Variants in MAN1A1 observed in about 807,000 individuals in gnomAD.
MAN1A1 encodes mannosyl-oligosaccharide 1,2-alpha-mannosidase IA.
A neutral mutation model predicts 70.8 loss-of-function variants in MAN1A1; 29 were observed. The ratio of observed to expected loss-of-function variants is 0.41; its 90% CI spans 0.31 to 0.56. MAN1A1 has a LOEUF of 0.56. Ranked by LOEUF, MAN1A1 falls within the 20% of genes least tolerant of loss-of-function variation. MAN1A1 has a pLI of 0.29. For missense variants in MAN1A1, 747 were observed against 841.3 expected (o/e 0.89, Z 1.39); for synonymous variants, 349 against 330.1 (o/e 1.06, Z -0.62).
At chr6:119,199,167 G>T (rs1773650480) in intron 8 of MAN1A1, among the ~76,000 whole-genome samples, 1 of 152,128 alleles carries the variant, frequency 6.6e-6, no homozygotes, top group Non-Finnish European at 1.5e-5. Flanking sequence ...AACAGGAAAA[G>T]TATTTGTGTC....
Position 119,236,507 on chromosome 6 carries a change from C to T in MAN1A1, c.992+11753G>A, listed in dbSNP as rs971575738. On this transcript the variant is annotated intron_variant, in intron 6 of 12. Coordinates refer to ENST00000368468, the MANE Select transcript of MAN1A1 (RefSeq NM_005907.4). ...TGGATCACTTGCTGGTGTCGAACTC[C>T]TGACCTCCTGGCCAACAAGGTGAAA... Among the ~76,000 whole-genome samples the T allele has an allele frequency of 3.9e-5, 6 of 151,970 alleles. No individual in the cohort carries two copies. In the South Asian group the frequency reaches 1.0e-3, roughly 26 times the overall value.
chr6:119,290,808 GA>G, intron 4 of MAN1A1, 45 bp from the exon 5 acceptor site: 1 of 1,224,608 alleles, frequency 8.2e-7, no homozygotes, highest in South Asian at 1.3e-5. Context: ...ACACAATTCA[GA>G]AAACCATTAT....
At chr6:119,313,353 A>C (rs1582795004) in intron 2 of MAN1A1, among the ~76,000 whole-genome samples, 1 of 152,008 alleles carries the variant, frequency 6.6e-6, no homozygotes, top group African/African-American at 2.4e-5. Context: ...ACCTCCAGTC[A>C]CCTTCTAGCT....
At chr6:119,318,910 A>G (rs1772926247) in intron 2 of MAN1A1, among the ~76,000 whole-genome samples, 1 of 152,244 alleles carries the variant, frequency 6.6e-6, no homozygotes, top group Admixed American at 6.5e-5. Flanking sequence ...GAACACCCTA[A>G]TAATTTCATT....
At chr6:119,209,445 T>C (rs1349606216) in intron 6 of MAN1A1, among the ~76,000 whole-genome samples, 3 of 152,188 alleles carry the variant, frequency 2.0e-5, no homozygotes, top group Non-Finnish European at 4.4e-5. Context: ...GGTTATACAG[T>C]TATCAATTTT....
intron 5 of MAN1A1, among the ~76,000 whole-genome samples, chr6:119,286,856 C>G (rs541833238): frequency 2.8e-4 from 42 of 152,162 alleles, no homozygotes; most frequent in African/African-American, 9.4e-4. Context: ...ATTCAACTGT[C>G]AGTTTCCATG....
intron 2 of MAN1A1, among the ~76,000 whole-genome samples, chr6:119,321,533 C>G (rs1309983887): frequency 6.6e-6 from 1 of 152,084 alleles, no homozygotes; most frequent in Admixed American, 6.6e-5. Flanking sequence ...AGGTCACCTT[C>G]CCAACAACTA....
intron 2 of MAN1A1, among the ~76,000 whole-genome samples, chr6:119,323,883 A>G (rs1773084371): frequency 1.3e-5 from 2 of 152,236 alleles, no homozygotes; most frequent in South Asian, 2.1e-4. Context: ...CGGAGTGAAG[A>G]GAGCAAACAC....
intron 6 of MAN1A1, among the ~76,000 whole-genome samples, chr6:119,239,702 C>T (rs1465415094): frequency 6.6e-6 from 1 of 151,980 alleles, no homozygotes; most frequent in Admixed American, 6.6e-5. Context: ...AAGGTTTGTC[C>T]CACAATAACA....
intron 6 of MAN1A1, among the ~76,000 whole-genome samples, chr6:119,221,104 C>CT (rs1367142468): frequency 6.6e-6 from 1 of 150,690 alleles, no homozygotes; most frequent in East Asian, 1.9e-4. Context: ...AAGCCCAGTG[C>CT]TTTAGCATTA....
chr6:119,349,008 C>G lies in MAN1A1; in HGVS notation c.58G>C (p.Gly20Arg), dbSNP rs757306238. 4 of 1,384,246 alleles carry G rather than the reference C, an allele frequency of 2.9e-6. No homozygotes were observed. Among genetic ancestry groups the G allele is most frequent in the East Asian group, 5.7e-5 (2 of 34,882 alleles). The allele number at this position is 1,384,246 out of a possible 1,614,324, so 85.7% of individuals were successfully genotyped here. Residue 20 changes from glycine to arginine, a missense_variant, in exon 2 of 13, where the codon GGG becomes CGG. Coordinates refer to ENST00000368468, the MANE Select transcript of MAN1A1 (RefSeq NM_005907.4). ...FSSPAGGVLGGGLGGGGGRKG... is the reference protein window; with the variant it reads ...FSSPAGGVLGRGLGGGGGRKG... ...CTGCCACCGCCGCCGCCGAGCCCCC[C>G]GCCCAGGACGCCGCCCGCGGGGCTG...
intron 6 of MAN1A1, among the ~76,000 whole-genome samples, chr6:119,235,049 C>G (rs1774802726): frequency 6.6e-6 from 1 of 152,150 alleles, no homozygotes. Context: ...AACTTGTAAG[C>G]ATGTGTGTTC....
At chr6:119,233,562 A>G (rs1036451269) in intron 6 of MAN1A1, among the ~76,000 whole-genome samples, 6 of 152,254 alleles carry the variant, frequency 3.9e-5, no homozygotes, top group African/African-American at 1.4e-4. Context: ...TTTATTGTTT[A>G]TGGCAGCAGC....
chr6:119,318,648 C>A (rs1016561131), intron 2 of MAN1A1, among the ~76,000 whole-genome samples: 12 of 152,152 alleles, frequency 7.9e-5, no homozygotes, highest in African/African-American at 2.9e-4. Flanking sequence ...GAAAACCTTG[C>A]AGATACAGGG....
intron 5 of MAN1A1, among the ~76,000 whole-genome samples, chr6:119,268,594 CT>C (rs5879495): frequency 4.0e-5 from 6 of 149,658 alleles, no homozygotes; most frequent in Admixed American, 1.3e-4. Context: ...TATTGTTTTA[CT>C]TTTTTTTTTG....
At chr6:119,299,145 T>C (rs1034631940) in intron 4 of MAN1A1, among the ~76,000 whole-genome samples, 1 of 152,014 alleles carries the variant, frequency 6.6e-6, no homozygotes, top group African/African-American at 2.4e-5. Context: ...CTGGATAGAA[T>C]GGGTGAATAT....
chr6:119,319,384 A>C (rs2357376), intron 2 of MAN1A1, among the ~76,000 whole-genome samples: 65,718 of 143,208 alleles, frequency 0.46, 15,098 homozygotes, highest in African/African-American at 0.53. Context: ...TAATAATAAT[A>C]ATAATAATCA....
chr6:119,302,445 G>A (rs975753798), intron 3 of MAN1A1, among the ~76,000 whole-genome samples: 1 of 151,184 alleles, frequency 6.6e-6, no homozygotes, highest in Non-Finnish European at 1.5e-5. Flanking sequence ...GCAGTGGCGC[G>A]ATCTCAGCAA....
At position 119,210,103 on chromosome 6, in the gene MAN1A1, T is replaced by A. The variant is rs75087189; in HGVS notation, c.993-5221A>T. ...TTACTCTTGACTCGCAGTACTGCTG[T>A]TCTTACATCTGACTACCTTGGGCTG... On this transcript the variant is annotated intron_variant, in intron 6 of 12. Transcript: ENST00000368468. Among the ~76,000 whole-genome samples, 842 of 152,290 alleles carry A rather than the reference T, an allele frequency of 5.5e-3. 8 individuals are homozygous for A. Among genetic ancestry groups the A allele is most frequent in the African/African-American group, 0.019 (797 of 41,570 alleles).
Sources: gnomAD v4.1 joint callset for allele counts (sites outside exome capture counted in the v4.1 genomes callset) on GRCh38, gnomAD v4.1.1 for gene constraint, MANE v1.5 for transcripts, NCBI Gene and HGNC (gene_info 2026-07-23, HGNC 2026-07-21) for gene names.